IL16: variants seen among roughly 807,000 people sequenced by gnomAD.
IL16 encodes pro-interleukin-16.
A neutral mutation model predicts 110.1 loss-of-function variants in IL16; 67 were observed. The ratio of observed to expected loss-of-function variants is 0.61; its 90% confidence interval spans 0.50 to 0.75. The LOEUF (loss-of-function observed/expected upper bound fraction) is 0.75, where lower values mean the gene tolerates loss of function less well. IL16 is among the 30% of genes least tolerant of loss of function. The pLI is 0.00. For missense variants in IL16, 1,545 were observed against 1,655.0 expected, an observed-to-expected ratio of 0.93 and a Z score of 1.15; for synonymous variants, 689 against 662.9, an observed-to-expected ratio of 1.04 and a Z score of -0.61.
At chr15:81,277,449 CTTT>C (rs142967629) in intron 6 of IL16, among the ~76,000 whole-genome samples, 1 of 143,644 alleles carries the variant, frequency 7.0e-6, no homozygotes, top group Non-Finnish European at 1.5e-5. Context: ...CTTTTCTTTC[CTTT>C]TTTTTTTTTT....
rs1004629324 is a variant in IL16 at position 81,296,785 on chromosome 15, A to G, written c.1903-143A>G. The G allele has an allele frequency of 5.6e-6, 4 of 716,600 alleles. No homozygotes were observed. The African/African-American group carries it at 7.2e-5, about 13-fold the overall frequency. The allele number at this position is 716,600 out of a possible 1,614,324, so 44.4% of individuals were successfully genotyped here. On this transcript the variant is annotated intron_variant, in intron 12 of 18. Transcript: ENST00000683961. ...GCCACGTCAGCACCAAGGAGAAAAGAATCCTCTTTACATGGCTGCTGATGA... is the reference window on the plus strand; with the variant it reads ...GCCACGTCAGCACCAAGGAGAAAAGGATCCTCTTTACATGGCTGCTGATGA...
chr15:81,264,008 T>A (rs1898267688), intron 3 of IL16, among the ~76,000 whole-genome samples: 1 of 151,994 alleles, frequency 6.6e-6, no homozygotes, highest in South Asian at 2.1e-4. Flanking sequence ...AACATACAGG[T>A]TTCCCCAGAC....
chr15:81,218,931 C>G (rs1164169601), intron 1 of IL16, among the ~76,000 whole-genome samples: 5 of 142,352 alleles, frequency 3.5e-5, no homozygotes, highest in Non-Finnish European at 7.6e-5. Context: ...TTTTGAGTAA[C>G]AATTTTTTTT....
At chr15:81,199,034 T>TA (rs1895713421) in intron 1 of IL16, among the ~76,000 whole-genome samples, 2 of 123,992 alleles carry the variant, frequency 1.6e-5, no homozygotes, top group African/African-American at 6.1e-5. Flanking sequence ...AAAAAAAATA[T>TA]ATATATATAT....
At chr15:81,282,935 C>T (rs2142309814) in intron 9 of IL16, among the ~76,000 whole-genome samples, 179 bp downstream of exon 9, 1 of 152,282 alleles carries the variant, frequency 6.6e-6, no homozygotes, top group East Asian at 1.9e-4. Context: ...AGGGGCAGGC[C>T]TCCTTCCTGC....
chr15:81,267,423 A>G (rs977421330), intron 4 of IL16, among the ~76,000 whole-genome samples: 7 of 152,082 alleles, frequency 4.6e-5, no homozygotes, highest in East Asian at 1.9e-4. Flanking sequence ...TGGAGACAGA[A>G]CCAATAAGAG....
intron 2 of IL16, among the ~76,000 whole-genome samples, chr15:81,249,973 T>C (rs1897710176): frequency 6.6e-6 from 1 of 152,232 alleles, no homozygotes; most frequent in Admixed American, 6.5e-5. Flanking sequence ...TTAATATGAA[T>C]AATTTTTTTA....
At position 81,309,584 on chromosome 15, in the gene IL16, A is replaced by T. The variant is rs1353015036; in HGVS notation, c.*786A>T. 2.0e-5 allele frequency: 3 copies of T among 152,244 alleles called. No homozygotes were observed. Among genetic ancestry groups the T allele is most frequent in the Non-Finnish European group, 4.4e-5 (3 of 68,056 alleles). The allele number at this position is 152,244 out of a possible 1,614,324, so 9.4% of individuals were successfully genotyped here. On this transcript the variant is annotated 3_prime_UTR_variant, in exon 19 of 19. Transcript: ENST00000683961. ...TGCTGGGGTCATTTATGAAAAATAC[A>T]GTTTGTCACATGAAACATTTGCAAA...
chr15:81,184,824 TG>T (rs906308298), intron 1 of IL16, among the ~76,000 whole-genome samples: 1 of 152,126 alleles, frequency 6.6e-6, no homozygotes, highest in African/African-American at 2.4e-5. Context: ...GTCTATAAAG[TG>T]GATGGAAGGG....
rs531502540 is a variant in IL16, at chr15:81,309,035, G to A, written c.*237G>A. On this transcript the variant is annotated 3_prime_UTR_variant, in exon 19 of 19. Coordinates refer to ENST00000683961, the MANE Select transcript of IL16 (RefSeq NM_172217.5). ...ATACAAATTGCAGACTGTGTAAAAA[G>A]AGAGCTTAATGATAATATTGTGGTG... 4 of 435,764 alleles carry A rather than the reference G, an allele frequency of 9.2e-6. No homozygotes were observed. In the Admixed American group the frequency reaches 1.3e-4, roughly 14 times the overall value. The allele number at this position is 435,764 out of a possible 1,614,324, so 27.0% of individuals were successfully genotyped here. A position where few individuals can be genotyped will look rare whatever the true frequency, so the allele number is the denominator to read the frequency against.
chr15:81,222,697 C>G (rs1241823796), intron 1 of IL16, among the ~76,000 whole-genome samples: 1 of 151,844 alleles, frequency 6.6e-6, no homozygotes, highest in East Asian at 1.9e-4. Context: ...TTACAAATTT[C>G]CAAATGCCTA....
intron 2 of IL16, among the ~76,000 whole-genome samples, chr15:81,248,996 C>T (rs1351237856): frequency 6.6e-6 from 1 of 152,116 alleles, no homozygotes; most frequent in Non-Finnish European, 1.5e-5. Context: ...GCTGGGATTA[C>T]AGACAGACAT....
Position 81,278,862 on chromosome 15 carries a change from C to G in IL16, c.836C>G (p.Thr279Arg). ...AATGGTGAATCAATGGCTGGACTAA[C>G]ACATCAGGATGCTTTGCAGAAGTTC... Reference protein sequence around the residue: ...ELNGESMAGLTHQDALQKFKQ... With the variant: ...ELNGESMAGLRHQDALQKFKQ... The change falls in exon 7 of 19, where the codon ACA becomes AGA. Residue 279 changes from threonine to arginine, a missense_variant. Physicochemically the swap from Thr to Arg is moderately conservative, Grantham distance 71. Transcript: ENST00000683961. The G allele has an allele frequency of 6.2e-7, 1 of 1,613,092 alleles. No homozygotes were observed. The highest frequency in any genetic ancestry group is 8.5e-7 in the Non-Finnish European group (1 of 1,179,058).
chr15:81,232,656 G>A (rs1897049858), intron 2 of IL16, among the ~76,000 whole-genome samples: 2 of 152,136 alleles, frequency 1.3e-5, no homozygotes. Flanking sequence ...GTAGTGAATT[G>A]CACTAATTGA....
chr15:81,277,781 A>G (rs1372165203), intron 6 of IL16, among the ~76,000 whole-genome samples: 3 of 152,250 alleles, frequency 2.0e-5, no homozygotes, highest in African/African-American at 7.2e-5. Flanking sequence ...AACCATGATT[A>G]GGCGACAGCA....
At chr15:81,217,912 G>A (rs1003833262) in intron 1 of IL16, among the ~76,000 whole-genome samples, 4 of 151,868 alleles carry the variant, frequency 2.6e-5, no homozygotes, top group Non-Finnish European at 4.4e-5. Context: ...TCAATATATC[G>A]GTCAACATTC....
intron 1 of IL16, among the ~76,000 whole-genome samples, chr15:81,202,557 G>A (rs1895859694): frequency 6.8e-6 from 1 of 146,914 alleles, no homozygotes; most frequent in Non-Finnish European, 1.5e-5. Flanking sequence ...TTCCACCTAT[G>A]AGTGAGAACA....
chr15:81,264,999 C>T (rs1199042765), intron 3 of IL16, among the ~76,000 whole-genome samples: 1 of 152,156 alleles, frequency 6.6e-6, no homozygotes, highest in African/African-American at 2.4e-5. Context: ...TAGACAATGA[C>T]AGGTTAAATC....
chr15:81,197,355 A>G (rs1464650788), intron 1 of IL16, among the ~76,000 whole-genome samples: 1 of 152,186 alleles, frequency 6.6e-6, no homozygotes, highest in African/African-American at 2.4e-5. Context: ...ACAGTTAGGT[A>G]CAGGAGGAAG....
Sources: gnomAD v4.1 joint callset for allele counts (sites outside exome capture counted in the v4.1 genomes callset) on GRCh38, gnomAD v4.1.1 for gene constraint, MANE v1.5 for transcripts, NCBI Gene and HGNC (gene_info 2026-07-23, HGNC 2026-07-21) for gene names.